Variants in AP1B1 observed in about 807,000 individuals in gnomAD.
AP1B1 encodes adaptor related protein complex 1 subunit beta 1.
In AP1B1, 36 loss-of-function variants were observed where a neutral mutation model predicts 104.3. The observed-to-expected ratio is 0.35, with a 90% CI of 0.26 to 0.46. The LOEUF (loss-of-function observed/expected upper bound fraction) is 0.46. Among genes scored for constraint, AP1B1 ranks in the 20% least tolerant of loss-of-function variants. The pLI, the probability that AP1B1 is intolerant of heterozygous loss-of-function variation, is 1.00. For synonymous variants in AP1B1, 504 were observed against 517.5 expected (o/e 0.97, Z 0.35); for missense variants, 901 against 1,247.9 (o/e 0.72, Z 4.19).
At chr22:29,370,713 G>A (rs2062221058) in intron 1 of AP1B1, 1 of 151,938 alleles carries the variant, frequency 6.6e-6, no homozygotes, top group Admixed American at 6.6e-5. Context: ...TCTTTCTGGG[G>A]ATTTAAAAAA....
At chr22:29,384,810 G>C (rs939062307) in intron 1 of AP1B1, among the ~76,000 whole-genome samples, 1 of 152,112 alleles carries the variant, frequency 6.6e-6, no homozygotes, top group Non-Finnish European at 1.5e-5. Context: ...GGAGGTTGCA[G>C]TGAGCCAAGA....
intron 12 of AP1B1, 115 bp from the exon 13 acceptor site, chr22:29,341,875 T>C: frequency 8.1e-7 from 1 of 1,230,900 alleles, no homozygotes; most frequent in Non-Finnish European, 1.1e-6. Flanking sequence ...GGGACAGCAG[T>C]CCTGAGTGCT....
chr22:29,363,305 A>C (rs2062079376), intron 2 of AP1B1, among the ~76,000 whole-genome samples, 199 bp from the exon 3 acceptor site: 1 of 152,156 alleles, frequency 6.6e-6, no homozygotes, highest in African/African-American at 2.4e-5. Flanking sequence ...AACAAGATGG[A>C]AACTTGTAGG....
intron 1 of AP1B1, among the ~76,000 whole-genome samples, chr22:29,371,235 T>C (rs2062230884): frequency 6.6e-6 from 1 of 152,166 alleles, no homozygotes; most frequent in Non-Finnish European, 1.5e-5. Context: ...TGCAAGAGAT[T>C]TCTCATTCTC....
chr22:29,375,787 C>T (rs1367459290), intron 1 of AP1B1, among the ~76,000 whole-genome samples: 3 of 152,186 alleles, frequency 2.0e-5, no homozygotes, highest in African/African-American at 7.2e-5. Context: ...TGGCTCAAGT[C>T]CCTCTCTACT....
chr22:29,346,915 G>A (rs184687441), intron 11 of AP1B1, among the ~76,000 whole-genome samples: 2 of 152,242 alleles, frequency 1.3e-5, no homozygotes, highest in East Asian at 1.9e-4. Context: ...TCAGAGCCTC[G>A]CCCTTCTTTC....
chr22:29,331,640 A>T, intron 18 of AP1B1, 107 bp from the exon 19 acceptor site: 1 of 1,575,602 alleles, frequency 6.3e-7, no homozygotes, highest in African/African-American at 1.3e-5. Context: ...TCCCTGGTAA[A>T]CACACCCCTT....
chr22:29,387,972 G>C (rs1050940538), intron 1 of AP1B1, among the ~76,000 whole-genome samples: 7 of 152,222 alleles, frequency 4.6e-5, no homozygotes, highest in Admixed American at 3.9e-4. Context: ...ACAAGACCAA[G>C]CCAGTGCCTA....
chr22:29,331,531 C>G lies in AP1B1; in HGVS notation c.2442G>C (p.Val814=), dbSNP rs2061557371. 6.2e-7 allele frequency: 1 copy of G among 1,614,066 alleles called. No homozygotes were observed. ...MKMEPLNNLQ[V]AVKNNIDVFY... ...AGACATCGATGTTGTTCTTCACGGC[C>G]ACCTAGGCACAAGGGGGTCCCCAGT... Residue 814 remains valine (V), a splice_region_variant and synonymous_variant, in exon 19 of 23, where the codon GTG becomes GTC. Transcript: ENST00000357586.
rs746583431 is a variant in AP1B1 at position 29,331,885 on chromosome 22, C to T, written c.2341G>A (p.Val781Ile). Reference sequence around the variant, plus strand: ...TGGTTGGGGCTGAGTGGCGCGTGGACCTGGAGGGGGGCGGCGGGGGCCAGG... The same window carrying T: ...TGGTTGGGGCTGAGTGGCGCGTGGATCTGGAGGGGGGCGGCGGGGGCCAGG... ...FGLAPAAPLQ[V>I]HAPLSPNQTV... The change falls in exon 18 of 23, where the codon GTC becomes ATC. Residue 781 changes from valine (V) to isoleucine (I), a missense_variant. Physicochemically the swap from Val to Ile is conservative, Grantham distance 29 (BLOSUM62 3). This residue lies in a region of AP1B1 where 424 missense variants were observed against 494.0 expected (regional missense o/e 0.86). Coordinates refer to ENST00000357586, the MANE Select transcript of AP1B1 (RefSeq NM_001127.4). The T allele has an allele frequency of 1.7e-5, 28 of 1,612,584 alleles. No homozygotes were observed. Among genetic ancestry groups the T allele is most frequent in the Non-Finnish European group, 2.5e-6 (3 of 1,179,256 alleles).
intron 6 of AP1B1, among the ~76,000 whole-genome samples, chr22:29,355,073 C>CA (rs1473628663): frequency 1.3e-5 from 2 of 151,782 alleles, no homozygotes; most frequent in African/African-American, 4.8e-5. Context: ...TTGTCTCTAC[C>CA]AAAAAATATA....
At chr22:29,361,827 C>T (rs1455801350) in intron 3 of AP1B1, among the ~76,000 whole-genome samples, 1 of 151,720 alleles carries the variant, frequency 6.6e-6, no homozygotes, top group Admixed American at 6.6e-5. Context: ...TGGAGTCTTG[C>T]TCTGTTGCCC....
intron 7 of AP1B1, among the ~76,000 whole-genome samples, chr22:29,353,171 G>A (rs2061903985): frequency 6.6e-6 from 1 of 152,162 alleles, no homozygotes; most frequent in Non-Finnish European, 1.5e-5. Flanking sequence ...GAACAGAGAG[G>A]AGGAAGGAAA....
At chr22:29,339,619 G>A (rs369818632) in intron 15 of AP1B1, 135 bp downstream of exon 15, 1 of 905,476 alleles carries the variant, frequency 1.1e-6, no homozygotes, top group Non-Finnish European at 1.7e-6. Context: ...AGGCTGCCAG[G>A]ATGCTGGACC....
intron 11 of AP1B1, 34 bp downstream of exon 11, chr22:29,349,184 C>A: frequency 1.2e-6 from 2 of 1,605,726 alleles, no homozygotes; most frequent in South Asian, 1.1e-5. Flanking sequence ...AGCTGCCAGT[C>A]ATGACTCACA....
intron 16 of AP1B1, among the ~76,000 whole-genome samples, chr22:29,334,814 T>A (rs1217932860): frequency 6.6e-6 from 1 of 152,216 alleles, no homozygotes; most frequent in Non-Finnish European, 1.5e-5. Context: ...AATGGCATCC[T>A]GGGCCTCGGC....
intron 7 of AP1B1, 48 bp downstream of exon 7, chr22:29,354,602 A>G (rs2061926330): frequency 6.4e-7 from 1 of 1,558,824 alleles, no homozygotes; most frequent in South Asian, 1.1e-5. Flanking sequence ...CCAGCAGAAG[A>G]GGCTCCCCGA....
At chr22:29,345,045 C>T (rs985569840) in intron 11 of AP1B1, among the ~76,000 whole-genome samples, 4 of 152,126 alleles carry the variant, frequency 2.6e-5, no homozygotes, top group South Asian at 2.1e-4. Flanking sequence ...AACTCCAAAT[C>T]GTCAAGCACT....
At position 29,354,789 on chromosome 22, in the gene AP1B1, T is replaced by C; in HGVS notation, c.799A>G (p.Met267Val). ...TCCAAGTCCTTAGACAACATCTCCA[T>C]GAACTTCATCAGCACCTTCACAGCA... Reference protein sequence around the residue: ...LSAVKVLMKFMEMLSKDLDYY... With the variant: ...LSAVKVLMKFVEMLSKDLDYY... Residue 267 changes from methionine (M) to valine (V), a missense_variant, in exon 7 of 23, where the codon ATG (methionine) becomes GTG (valine). Transcript: ENST00000357586. The C allele has an allele frequency of 6.2e-7, 1 of 1,614,112 alleles. No individual in the cohort carries two copies. The highest frequency in any genetic ancestry group is 1.1e-5 in the South Asian group (1 of 91,074).
Sources: gnomAD v4.1 joint callset for allele counts (sites outside exome capture counted in the v4.1 genomes callset) on GRCh38, gnomAD v4.1.1 for gene constraint, gnomAD v4.1.1 regional missense constraint, MANE v1.5 for transcripts, NCBI Gene and HGNC (gene_info 2026-07-23, HGNC 2026-07-21) for gene names.